The following FOXP2 variants were observed in gnomAD, a reference collection of about 807,000 sequenced individuals.
The protein encoded by FOXP2 is forkhead box protein P2.
Under a neutral mutation model 115.8 loss-of-function variants are expected in FOXP2, and 12 were observed. The observed-to-expected ratio is 0.10, with a 90% CI of 0.07 to 0.17. The LOEUF (loss-of-function observed/expected upper bound fraction) is 0.17. Ranked by LOEUF, FOXP2 falls within the 10% of genes least tolerant of loss-of-function variation. The pLI is 1.00. For missense variants in FOXP2, 629 were observed against 843.5 expected, an observed-to-expected ratio of 0.75 and a Z score of 3.15; for synonymous variants, 328 against 297.7, an observed-to-expected ratio of 1.10 and a Z score of -1.05.
At chr7:114,299,927 T>G (rs1164234158) in intron 2 of FOXP2, among the ~76,000 whole-genome samples, 1 of 152,092 alleles carries the variant, frequency 6.6e-6, no homozygotes, top group Non-Finnish European at 1.5e-5. Context: ...GATTACACAG[T>G]ACTCATTTAC....
At chr7:114,270,797 G>A (rs1194837005) in intron 1 of FOXP2, among the ~76,000 whole-genome samples, 1 of 151,942 alleles carries the variant, frequency 6.6e-6, no homozygotes, top group Non-Finnish European at 1.5e-5. Flanking sequence ...TGTTTTTATG[G>A]AGCAGAAGTT....
intron 2 of FOXP2, among the ~76,000 whole-genome samples, chr7:114,488,248 C>T (rs1000119975): frequency 1.3e-5 from 2 of 151,852 alleles, no homozygotes; most frequent in African/African-American, 2.4e-5. Flanking sequence ...ACGAGAAATA[C>T]CCACCCCCAT....
intron 3 of FOXP2, among the ~76,000 whole-genome samples, chr7:114,621,660 T>C (rs918173082): frequency 3.9e-5 from 6 of 152,000 alleles, no homozygotes; most frequent in Non-Finnish European, 8.8e-5. Flanking sequence ...TCGAAGTTGA[T>C]GTTTTCTCAT....
intron 1 of FOXP2, among the ~76,000 whole-genome samples, chr7:114,268,250 T>A (rs996468210): frequency 1.3e-5 from 2 of 152,178 alleles, no homozygotes; most frequent in African/African-American, 4.8e-5. Flanking sequence ...TTGAGTATAT[T>A]TTTTCATGTG....
In FOXP2 at chr7:114,675,639, A is replaced by T. The variant is rs74568217; in HGVS notation, c.2003+11203A>T. Reference sequence around the variant, plus strand: ...TAGATACAAAGAGTTATCATCATTAATTCAATAATCTTGTGCCAAGTACTG... The same window carrying T: ...TAGATACAAAGAGTTATCATCATTATTTCAATAATCTTGTGCCAAGTACTG... On this transcript the variant is annotated intron_variant, in intron 16 of 16. Transcript: ENST00000350908. Among the ~76,000 whole-genome samples the T allele has an allele frequency of 2.0e-3, 305 of 152,286 alleles. 10 individuals are homozygous for T. The East Asian group carries it at 0.042, about 21-fold the overall frequency.
rs190268203 is a variant in FOXP2 at position 114,106,460 on chromosome 7, C to G, written c.-247+18622C>G. Among the ~76,000 whole-genome samples, 21 of 151,074 alleles carry G rather than the reference C, an allele frequency of 1.4e-4. No individual in the cohort carries two copies. In the East Asian group the frequency reaches 3.9e-3, roughly 28 times the overall value. On this transcript the variant is annotated intron_variant, in intron 1 of 19. Transcript: ENST00000635638. ...GGTTTAGGATGGGCAACTTGTTTTGCTAAAAGAGCATCCTCGTATCTGACC... is the reference window on the plus strand; with the variant it reads ...GGTTTAGGATGGGCAACTTGTTTTGGTAAAAGAGCATCCTCGTATCTGACC...
chr7:114,127,042 C>T (rs1216401063), intron 1 of FOXP2, among the ~76,000 whole-genome samples: 1 of 152,176 alleles, frequency 6.6e-6, no homozygotes, highest in Non-Finnish European at 1.5e-5. Flanking sequence ...GTGCTGAAGT[C>T]TCATCTGAAT....
At chr7:114,346,067 T>C (rs1791339810) in intron 2 of FOXP2, among the ~76,000 whole-genome samples, 1 of 151,854 alleles carries the variant, frequency 6.6e-6, no homozygotes. Flanking sequence ...TTTTTAATGA[T>C]TTTTAAACAT....
At chr7:114,297,250 G>T in intron 2 of FOXP2, 2 of 477,162 alleles carry the variant, frequency 4.2e-6, no homozygotes, top group South Asian at 2.1e-5. Context: ...GACCTTCAGT[G>T]ACTCCATGGC....
intron 3 of FOXP2, among the ~76,000 whole-genome samples, chr7:114,583,224 C>A (rs751467979): frequency 3.2e-4 from 48 of 151,786 alleles, no homozygotes; most frequent in Non-Finnish European, 5.3e-4. Context: ...CTACTAAAAC[C>A]CAAAATTAGC....
chr7:114,357,606 C>A (rs186394561), intron 2 of FOXP2, among the ~76,000 whole-genome samples: 8 of 152,234 alleles, frequency 5.3e-5, no homozygotes, highest in African/African-American at 1.9e-4. Context: ...AAAGCTTTCC[C>A]AGAAACTGGA....
At chr7:114,431,200 C>T (rs557179707) in intron 2 of FOXP2, among the ~76,000 whole-genome samples, 13 of 151,900 alleles carry the variant, frequency 8.6e-5, no homozygotes, top group East Asian at 3.9e-4. Context: ...TAAATTTAGG[C>T]GGTGTTTTCT....
intron 3 of FOXP2, among the ~76,000 whole-genome samples, chr7:114,564,187 C>T (rs1800889062): frequency 1.3e-5 from 2 of 152,186 alleles, no homozygotes; most frequent in Admixed American, 6.5e-5. Context: ...CATACTCCTA[C>T]CAAAACTATC....
intron 1 of FOXP2, among the ~76,000 whole-genome samples, chr7:114,284,750 A>G (rs1013453505): frequency 6.6e-6 from 1 of 152,188 alleles, no homozygotes; most frequent in Non-Finnish European, 1.5e-5. Context: ...GTAAAGACAC[A>G]TGCTCACATA....
chr7:114,319,464 G>A (rs905832417), intron 2 of FOXP2, among the ~76,000 whole-genome samples: 2 of 152,204 alleles, frequency 1.3e-5, no homozygotes, highest in African/African-American at 4.8e-5. Context: ...TGGACTTACA[G>A]TTCCACATGG....
At chr7:114,238,445 G>T (rs1795066508) in intron 1 of FOXP2, among the ~76,000 whole-genome samples, 1 of 152,186 alleles carries the variant, frequency 6.6e-6, no homozygotes, top group Admixed American at 6.5e-5. Context: ...TAATTAGGAT[G>T]AAAAATAGAA....
intron 3 of FOXP2, among the ~76,000 whole-genome samples, chr7:114,611,983 G>A (rs1037948518): frequency 2.0e-5 from 3 of 151,960 alleles, no homozygotes; most frequent in Non-Finnish European, 4.4e-5. Flanking sequence ...AAATAATTTA[G>A]GTTCATTATG....
intron 3 of FOXP2, among the ~76,000 whole-genome samples, chr7:114,590,131 G>A (rs1194661347): frequency 6.6e-6 from 1 of 152,052 alleles, no homozygotes; most frequent in Admixed American, 6.6e-5. Flanking sequence ...AACGAGCCTA[G>A]TGTACTGTGG....
chr7:114,109,691 T>G (rs1054863223), intron 1 of FOXP2, among the ~76,000 whole-genome samples: 1 of 152,148 alleles, frequency 6.6e-6, no homozygotes, highest in Non-Finnish European at 1.5e-5. Context: ...TCTTAGAACT[T>G]ATTTTTACTA....
Sources: gnomAD v4.1 joint callset for allele counts (sites outside exome capture counted in the v4.1 genomes callset) on GRCh38, gnomAD v4.1.1 for gene constraint, MANE v1.5 for transcripts, NCBI Gene and HGNC (gene_info 2026-07-23, HGNC 2026-07-21) for gene names.